Variants in MED15 observed in about 807,000 individuals in gnomAD.
MED15 encodes mediator of RNA polymerase II transcription subunit 15.
In MED15, 41 loss-of-function variants were observed where a neutral mutation model predicts 118.7. The observed-to-expected ratio is 0.35, with a 90% CI of 0.27 to 0.45. MED15 has a LOEUF of 0.45. Among genes scored for constraint, MED15 ranks in the 20% least tolerant of loss-of-function variants. MED15 has a pLI of 1.00. For missense variants in MED15, 740 were observed against 1,025.5 expected (o/e 0.72, Z 3.80); for synonymous variants, 436 against 413.9 (o/e 1.05, Z -0.65).
intron 8 of MED15, among the ~76,000 whole-genome samples, chr22:20,570,315 G>A (rs550469398): frequency 6.6e-6 from 1 of 151,642 alleles, no homozygotes; most frequent in East Asian, 2.0e-4. Context: ...GAGCCAATGC[G>A]CCCGGCTGGA....
chr22:20,529,743 C>T (rs1158160344), intron 1 of MED15, among the ~76,000 whole-genome samples: 3 of 152,070 alleles, frequency 2.0e-5, no homozygotes, highest in Non-Finnish European at 2.9e-5. Context: ...GGGATTGCAG[C>T]GCCCACCACC....
rs571940297 is a variant in MED15 at position 20,560,907 on chromosome 22, AAG to A, written c.452-3540_452-3539del. Among the ~76,000 whole-genome samples the A allele has an allele frequency of 6.1e-3, 928 of 152,338 alleles. 10 individuals carry two copies. Among genetic ancestry groups the A allele is most frequent in the African/African-American group, 0.021 (882 of 41,574 alleles). On this transcript the variant is annotated intron_variant, in intron 5 of 17. Transcript: ENST00000263205. The stretch of plus-strand genomic sequence containing the variant: ...GCCTCTTAATAGAATGTCTGCTGTG[AAG>A]AGTTAAAATAGATCAACAAAATATG...
intron 3 of MED15, 92 bp downstream of exon 3, chr22:20,551,579 G>C (rs2055778281): frequency 8.1e-7 from 1 of 1,237,160 alleles, no homozygotes; most frequent in Admixed American, 1.7e-5. Flanking sequence ...GCAGGCCGTG[G>C]TGCCTGAGTC....
At chr22:20,558,756 C>G (rs958408115) in intron 5 of MED15, among the ~76,000 whole-genome samples, 21 of 152,070 alleles carry the variant, frequency 1.4e-4, no homozygotes, top group Admixed American at 9.2e-4. Flanking sequence ...TCCTGTGTCA[C>G]CCCCCATACC....
intron 1 of MED15, chr22:20,508,064 G>GA (rs1265996907): frequency 3.0e-6 from 4 of 1,343,286 alleles, no homozygotes; most frequent in Non-Finnish European, 3.8e-6. Context: ...ACTGAATAGG[G>GA]AAAGGGAGAG....
intron 9 of MED15, among the ~76,000 whole-genome samples, chr22:20,578,616 C>T (rs1202558936): frequency 2.0e-5 from 3 of 152,220 alleles, no homozygotes; most frequent in Non-Finnish European, 4.4e-5. Context: ...GAGAGCTTAT[C>T]TCAGGAACGT....
At chr22:20,547,160 A>G (rs1197921336) in intron 2 of MED15, among the ~76,000 whole-genome samples, 4 of 152,154 alleles carry the variant, frequency 2.6e-5, no homozygotes, top group Non-Finnish European at 4.4e-5. Flanking sequence ...AACAGTTTAT[A>G]TTACCACTGA....
At chr22:20,551,400 A>G (rs373917474) in intron 2 of MED15, 36 bp from the exon 3 acceptor site, 105 of 1,599,704 alleles carry the variant, frequency 6.6e-5, no homozygotes, top group Non-Finnish European at 8.8e-5. Context: ...GCGCTTCTTC[A>G]TCTGGTATTA....
rs771734946 is a variant in MED15, at chr22:20,568,592, G to C, written c.1113G>C (p.Gln371His). ...PQVQQQQTAV[Q>H]TAQAAQMVAP... ...TGCAGCAGCAGCAGACAGCAGTACA[G>C]ACAGCTCAGGCTGCCCAGATGGTGG... The change falls in exon 8 of 18, where the codon CAG becomes CAC. Residue 371 changes from glutamine to histidine, a missense_variant. Coordinates refer to ENST00000263205, the MANE Select transcript of MED15 (RefSeq NM_001003891.3). 6.2e-7 allele frequency: 1 copy of C among 1,613,830 alleles called. No individual in the cohort carries two copies. Among genetic ancestry groups the C allele is most frequent in the Non-Finnish European group, 8.5e-7 (1 of 1,180,016 alleles).
intron 1 of MED15, among the ~76,000 whole-genome samples, chr22:20,511,168 T>A (rs540909082): frequency 1.3e-5 from 2 of 152,266 alleles, no homozygotes; most frequent in South Asian, 4.2e-4. Flanking sequence ...TTTGGCCATT[T>A]TGGGAAATGC....
At chr22:20,579,962 G>A (rs895015334) in intron 9 of MED15, among the ~76,000 whole-genome samples, 21 of 152,148 alleles carry the variant, frequency 1.4e-4, no homozygotes, top group African/African-American at 4.8e-4. Context: ...TGCCAGTTGT[G>A]TCTTCAGATG....
At chr22:20,512,587 CTTTTTTTTTT>C (rs1001694854) in intron 1 of MED15, among the ~76,000 whole-genome samples, 3 of 91,510 alleles carry the variant, frequency 3.3e-5, no homozygotes, top group Non-Finnish European at 6.4e-5. Flanking sequence ...TGAGTCACCT[CTTTTTTTTTT>C]TTTTTTTTTT....
intron 2 of MED15, among the ~76,000 whole-genome samples, chr22:20,550,215 C>T (rs2055714491): frequency 6.6e-6 from 1 of 152,050 alleles, no homozygotes; most frequent in South Asian, 2.1e-4. Flanking sequence ...GCCTGTGGGC[C>T]CCCTTCACAC....
At chr22:20,555,851 A>T (rs1364059006) in intron 5 of MED15, among the ~76,000 whole-genome samples, 1 of 152,224 alleles carries the variant, frequency 6.6e-6, no homozygotes, top group Non-Finnish European at 1.5e-5. Flanking sequence ...CCTCCAAAGT[A>T]GCTGGGACTA....
intron 1 of MED15, among the ~76,000 whole-genome samples, chr22:20,511,784 C>T (rs2054072862): frequency 6.6e-6 from 1 of 152,188 alleles, no homozygotes; most frequent in East Asian, 1.9e-4. Flanking sequence ...CATCCTTCTT[C>T]CCCCAACAGC....
At chr22:20,558,049 G>A (rs2056088865) in intron 5 of MED15, among the ~76,000 whole-genome samples, 1 of 152,146 alleles carries the variant, frequency 6.6e-6, no homozygotes, top group African/African-American at 2.4e-5. Context: ...GAGCTTGCAG[G>A]GGGCGAGATC....
At chr22:20,508,348 C>T in intron 1 of MED15, 1 of 1,304,262 alleles carries the variant, frequency 7.7e-7, no homozygotes, top group Non-Finnish European at 1.0e-6. Flanking sequence ...AGTGGCCCCG[C>T]TCAGAGGAAC....
rs1221591652 is a variant in MED15, at chr22:20,585,404, C to T, written c.2131+137C>T. The T allele has an allele frequency of 4.4e-5, 52 of 1,171,540 alleles. No homozygotes were observed. In the South Asian group the frequency reaches 7.3e-4, roughly 16 times the overall value. 72.6% of individuals were successfully genotyped at this position (1,171,540 alleles called of 1,614,324 possible). On this transcript the variant is annotated intron_variant, in intron 16 of 17. Transcript: ENST00000263205. ...CGCCCCGCCAGGCTGTCTGCTCTAT[C>T]CTCACACACACCGGGCTCCAGACAG...
At chr22:20,573,421 T>G (rs1367023932) in intron 8 of MED15, among the ~76,000 whole-genome samples, 1 of 152,230 alleles carries the variant, frequency 6.6e-6, no homozygotes. Context: ...GATTCACAGC[T>G]ACTGTACTGA....
Sources: allele counts gnomAD v4.1 joint callset (sites outside exome capture counted in the v4.1 genomes callset), GRCh38; gene constraint gnomAD v4.1.1; transcripts MANE v1.5; gene names NCBI Gene and HGNC (gene_info 2026-07-23, HGNC 2026-07-21).